Variants in FAM204A observed in about 807,000 individuals in gnomAD.
The protein encoded by FAM204A is family with sequence similarity 204 member A.
In FAM204A, 16 loss-of-function variants were observed where a neutral mutation model predicts 35.4. The ratio of observed to expected loss-of-function variants is 0.45; its 90% CI spans 0.31 to 0.69. The LOEUF (loss-of-function observed/expected upper bound fraction) is 0.69. Among genes scored for constraint, FAM204A ranks in the 30% least tolerant of loss-of-function variants. FAM204A has a pLI of 0.07. For missense variants in FAM204A, 240 were observed against 265.7 expected (o/e 0.90, Z 0.67); for synonymous variants, 76 against 86.9 (o/e 0.88, Z 0.70).
intron 7 of FAM204A, among the ~76,000 whole-genome samples, chr10:118,318,408 T>C (rs1211067239): frequency 6.6e-6 from 1 of 151,994 alleles, no homozygotes; most frequent in Admixed American, 6.6e-5. Context: ...TTCCTTTCCA[T>C]AAAAATAAAA....
rs1261585904 is a variant in FAM204A, at chr10:118,308,492, A to C, written c.*2365T>G. ...TAAAACTGCTCTCAAATGACATGTCAGCAGGGCCAATCCAAGACAACCTGT... is the reference window on the plus strand; with the variant it reads ...TAAAACTGCTCTCAAATGACATGTCCGCAGGGCCAATCCAAGACAACCTGT... On this transcript the variant is annotated 3_prime_UTR_variant, in exon 9 of 9. Transcript: ENST00000369183. 2 of 152,254 alleles carry C rather than the reference A, an allele frequency of 1.3e-5. No homozygotes were observed. Among genetic ancestry groups the C allele is most frequent in the Non-Finnish European group, 2.9e-5 (2 of 68,056 alleles). 9.4% of individuals were successfully genotyped at this position (152,254 alleles called of 1,614,324 possible). A position where few individuals can be genotyped will look rare whatever the true frequency, so the allele number is the denominator to read the frequency against.
In FAM204A at chr10:118,336,404, C is replaced by T. The variant is rs755902312; in HGVS notation, c.12G>A (p.Gly4=). The T allele has an allele frequency of 3.1e-6, 5 of 1,611,952 alleles. No individual in the cohort carries two copies. Among genetic ancestry groups the T allele is most frequent in the Non-Finnish European group, 4.2e-6 (5 of 1,179,048 alleles). Residue 4 remains glycine, a synonymous_variant, in exon 3 of 9, where the codon GGG becomes GGA. Transcript: ENST00000369183. ...TTTCATTTAGGCCAGGAGGTAGCAG[C>T]CCACTCCACATCTTTTCTTCTATGA... MWS[G]LLPPGLNESD...
At chr10:118,323,543 T>A (rs905059858) in intron 7 of FAM204A, among the ~76,000 whole-genome samples, 4 of 152,082 alleles carry the variant, frequency 2.6e-5, no homozygotes, top group African/African-American at 9.7e-5. Context: ...TAAGGACTGG[T>A]TACTGCTGCC....
chr10:118,316,580 C>T (rs1271944336), intron 7 of FAM204A, among the ~76,000 whole-genome samples: 3 of 152,114 alleles, frequency 2.0e-5, no homozygotes. Context: ...CTACATGTAT[C>T]TATATATATG....
chr10:118,313,624 C>T (rs1307082615), intron 7 of FAM204A, among the ~76,000 whole-genome samples: 1 of 152,142 alleles, frequency 6.6e-6, no homozygotes, highest in African/African-American at 2.4e-5. Flanking sequence ...TTCCCCATCG[C>T]CAAAACGTAA....
intron 7 of FAM204A, among the ~76,000 whole-genome samples, chr10:118,318,050 C>T (rs1213596711): frequency 6.6e-6 from 1 of 151,926 alleles, no homozygotes. Flanking sequence ...CCCCAGTGTC[C>T]TATATTCTTT....
intron 7 of FAM204A, among the ~76,000 whole-genome samples, chr10:118,325,341 C>A (rs1451423974): frequency 6.6e-6 from 1 of 152,024 alleles, no homozygotes; most frequent in African/African-American, 2.4e-5. Context: ...ACCTGCAAGT[C>A]AGAATAGTGA....
intron 7 of FAM204A, among the ~76,000 whole-genome samples, chr10:118,323,210 G>A (rs1225884520): frequency 6.6e-6 from 1 of 152,050 alleles, no homozygotes; most frequent in East Asian, 1.9e-4. Flanking sequence ...AAAGAGACCA[G>A]CGAAGAGAAA....
At chr10:118,322,425 A>G (rs1310941483) in intron 7 of FAM204A, 2 of 455,954 alleles carry the variant, frequency 4.4e-6, no homozygotes, top group Non-Finnish European at 8.8e-6. Flanking sequence ...CCAAAAATGC[A>G]TAACCTAAAA....
At position 118,310,872 on chromosome 10, in the gene FAM204A, G is replaced by A. The variant is rs1237439188; in HGVS notation, c.687C>T (p.Asn229=). The A allele has an allele frequency of 6.2e-7, 1 of 1,602,420 alleles. No individual in the cohort carries two copies. The highest frequency in any genetic ancestry group is 8.5e-7 in the Non-Finnish European group (1 of 1,177,150). ...CTCTGGCAAGTTACATGTATCCCAT[G>A]TTGCTTTTGGTTTCCCATCTCTTCT... is the stretch of plus-strand genomic sequence containing the variant. ...EAKKRWETKS[N]MGYM Residue 229 remains asparagine (N), a synonymous_variant, in exon 9 of 9, where the codon AAC becomes AAT. Transcript: ENST00000369183.
At chr10:118,321,901 G>A (rs1015651959) in intron 7 of FAM204A, among the ~76,000 whole-genome samples, 4 of 152,044 alleles carry the variant, frequency 2.6e-5, no homozygotes, top group African/African-American at 9.7e-5. Flanking sequence ...GCAACCGCTG[G>A]TGGGCAGAAT....
At position 118,298,757 on chromosome 10, in the gene FAM204A, G is replaced by C. The variant is rs1845776496; in HGVS notation, c.*12100C>G. On this transcript the variant is annotated 3_prime_UTR_variant, in exon 9 of 9. Transcript: ENST00000369183. ...TGAAATGTCTGGGGAAGAGGTTTCA[G>C]TCAACTGTCACTATCTTCGGCATCC... 1.3e-5 allele frequency: 2 copies of C among 152,234 alleles called. No homozygotes were observed. Among genetic ancestry groups the C allele is most frequent in the African/African-American group, 4.8e-5 (2 of 41,450 alleles). 9.4% of individuals were successfully genotyped at this position (152,234 alleles called of 1,614,324 possible).
intron 2 of FAM204A, among the ~76,000 whole-genome samples, chr10:118,341,176 T>C (rs1005389104): frequency 6.6e-6 from 1 of 152,172 alleles, no homozygotes; most frequent in Non-Finnish European, 1.5e-5. Context: ...CCAAAAGATA[T>C]ATTTGAGCAG....
chr10:118,311,418 T>A, intron 7 of FAM204A, 105 bp from the exon 8 acceptor site: 1 of 882,894 alleles, frequency 1.1e-6, no homozygotes, highest in Non-Finnish European at 1.7e-6. Context: ...GAAAGCCATG[T>A]CTAGAAATTA....
Position 118,311,234 on chromosome 10 carries a change from G to A in FAM204A, c.623C>T (p.Ala208Val). Reference sequence around the variant, plus strand: ...CCATGCAAGTTTCTTCTTTTTTCGGGCAGCCTGTGAATTTTCAACCTCCTT... The same window carrying A: ...CCATGCAAGTTTCTTCTTTTTTCGGACAGCCTGTGAATTTTCAACCTCCTT... ...AKKEVENSQAARKKKKLAWGF... is the reference protein window; with the variant it reads ...AKKEVENSQAVRKKKKLAWGF... Residue 208 changes from alanine (A) to valine (V), a missense_variant, in exon 8 of 9, where the codon GCC (alanine) becomes GTC (valine). Ala to Val is a moderately conservative substitution (Grantham distance 64). Coordinates refer to ENST00000369183, the MANE Select transcript of FAM204A (RefSeq NM_022063.3). 6.2e-7 allele frequency: 1 copy of A among 1,609,962 alleles called. No individual in the cohort carries two copies. The highest frequency in any genetic ancestry group is 8.5e-7 in the Non-Finnish European group (1 of 1,179,102).
intron 7 of FAM204A, among the ~76,000 whole-genome samples, chr10:118,322,648 T>C (rs1417502171): frequency 2.0e-5 from 3 of 152,080 alleles, no homozygotes; most frequent in African/African-American, 7.2e-5. Context: ...GTGGGACAAC[T>C]GGTAAATTTA....
At position 118,335,430 on chromosome 10, in the gene FAM204A, A is replaced by T; in HGVS notation, c.323-4T>A. ...TCTTTTTCATTCTTCAATTTATCTG[A>T]AAAGAATTCACAAAGTGTCAATACC... On this transcript the variant is annotated splice_polypyrimidine_tract_variant and splice_region_variant and intron_variant, in intron 4 of 8. Transcript: ENST00000369183. 1.3e-6 allele frequency: 2 copies of T among 1,596,012 alleles called. No individual in the cohort carries two copies. Among genetic ancestry groups the T allele is most frequent in the Non-Finnish European group, 1.7e-6 (2 of 1,172,014 alleles).
In FAM204A at chr10:118,312,192, A is replaced by G. The variant is rs187319542; in HGVS notation, c.544-879T>C. 3.3e-5 allele frequency among the ~76,000 whole-genome samples: 5 copies of G among 152,370 alleles called. No homozygotes were observed. The East Asian group carries it at 9.6e-4, about 29-fold the overall frequency. On this transcript the variant is annotated intron_variant, in intron 7 of 8. Transcript: ENST00000369183. ...TTTTAAAATGCCCACCAATGCGGAC[A>G]GCTCAAGAGTACCCATTAAGAACCC...
At chr10:118,334,115 G>GT (rs1369754646) in intron 6 of FAM204A, among the ~76,000 whole-genome samples, 1 of 152,140 alleles carries the variant, frequency 6.6e-6, no homozygotes, top group Non-Finnish European at 1.5e-5. Flanking sequence ...CTAAGTATTA[G>GT]TATGTCTAGA....
Sources: allele counts gnomAD v4.1 joint callset (sites outside exome capture counted in the v4.1 genomes callset), GRCh38; gene constraint gnomAD v4.1.1; transcripts MANE v1.5; gene names NCBI Gene and HGNC (gene_info 2026-07-23, HGNC 2026-07-21).